Variants in HS3ST4 observed in about 807,000 individuals in gnomAD.
The protein encoded by HS3ST4 is heparan sulfate glucosamine 3-O-sulfotransferase 4.
Under a neutral mutation model 29.2 loss-of-function variants are expected in HS3ST4, and 17 were observed. That is an observed-to-expected ratio of 0.58 (90% confidence interval 0.40 to 0.87). HS3ST4 has a LOEUF of 0.87. HS3ST4 is among the 40% of genes least tolerant of loss of function. HS3ST4 has a pLI of 0.00. For missense variants in HS3ST4, 627 were observed against 634.5 expected (o/e 0.99, Z 0.13); for synonymous variants, 314 against 285.7 (o/e 1.10, Z -1.00).
intron 1 of HS3ST4, among the ~76,000 whole-genome samples, chr16:25,957,825 A>T (rs1308745124): frequency 2.0e-5 from 3 of 152,156 alleles, no homozygotes; most frequent in Non-Finnish European, 2.9e-5. Flanking sequence ...GCCTGCTCTG[A>T]ATTCTTGAGA....
chr16:26,043,441 T>A (rs373382889), intron 1 of HS3ST4, among the ~76,000 whole-genome samples: 1 of 152,176 alleles, frequency 6.6e-6, no homozygotes, highest in African/African-American at 2.4e-5. Context: ...TCTTCTTGGG[T>A]TGAAATCCCA....
chr16:25,909,889 G>A (rs1419845527), intron 1 of HS3ST4, among the ~76,000 whole-genome samples: 1 of 152,032 alleles, frequency 6.6e-6, no homozygotes, highest in African/African-American at 2.4e-5. Context: ...GTTTTTTAGA[G>A]GAGTCTTGCT....
chr16:25,835,908 G>A (rs1455205285), intron 1 of HS3ST4, among the ~76,000 whole-genome samples: 2 of 152,166 alleles, frequency 1.3e-5, no homozygotes, highest in Admixed American at 1.3e-4. Flanking sequence ...AAGCAGAAGA[G>A]AACTTAGTGG....
chr16:25,942,495 C>T lies in HS3ST4; in HGVS notation c.735-193117C>T, dbSNP rs1307975837. ...TCTCAAAGAGTACTGAAAAACAGCA[C>T]TTTCATCACCCCAGGCTGGCTTACT... is the stretch of plus-strand genomic sequence containing the variant. On this transcript the variant is annotated intron_variant, in intron 1 of 1. Coordinates refer to ENST00000331351, the MANE Select transcript of HS3ST4 (RefSeq NM_006040.3). Among the ~76,000 whole-genome samples the T allele has an allele frequency of 2.0e-5, 3 of 152,140 alleles. No homozygotes were observed. The East Asian group carries it at 5.8e-4, about 29-fold the overall frequency.
chr16:25,716,152 G>T lies in HS3ST4; in HGVS notation c.734+23001G>T, dbSNP rs142543217. On this transcript the variant is annotated intron_variant, in intron 1 of 1. Coordinates refer to ENST00000331351, the MANE Select transcript of HS3ST4 (RefSeq NM_006040.3). ...GCAACAAGATGAGTTGCTGTGGATG[G>T]TGCTTCTGCAGACTTCTTTTCCCAT... is the stretch of plus-strand genomic sequence containing the variant. Among the ~76,000 whole-genome samples, 92 of 152,356 alleles carry T rather than the reference G, an allele frequency of 6.0e-4. 1 individual carries two copies. The Middle Eastern group carries it at 0.02, about 34-fold the overall frequency.
At chr16:25,749,804 T>C (rs992673370) in intron 1 of HS3ST4, among the ~76,000 whole-genome samples, 4 of 152,324 alleles carry the variant, frequency 2.6e-5, no homozygotes, top group Admixed American at 6.5e-5. Context: ...TTTATTTTGA[T>C]GATTCTTCCA....
chr16:25,890,353 T>A (rs1967995455), intron 1 of HS3ST4, among the ~76,000 whole-genome samples: 1 of 152,218 alleles, frequency 6.6e-6, no homozygotes, highest in African/African-American at 2.4e-5. Context: ...TATCATCTCC[T>A]AGGGTAAGGA....
At position 25,787,034 on chromosome 16, in the gene HS3ST4, G is replaced by A. The variant is rs984459463; in HGVS notation, c.734+93883G>A. Among the ~76,000 whole-genome samples the A allele has an allele frequency of 3.9e-5, 6 of 152,304 alleles. No homozygotes were observed. In the East Asian group the frequency reaches 7.7e-4, roughly 20 times the overall value. ...AAAAGCAATTCAAATATTGCTGGTC[G>A]AGGTTGAAACTTCGAGGCTGTTAAA... On this transcript the variant is annotated intron_variant, in intron 1 of 1. Transcript: ENST00000331351.
At chr16:26,022,346 G>A (rs1004043978) in intron 1 of HS3ST4, among the ~76,000 whole-genome samples, 1 of 152,286 alleles carries the variant, frequency 6.6e-6, no homozygotes. Context: ...AATCTAAAAT[G>A]TTAGTGGTGG....
At chr16:25,816,373 G>A (rs1034066238) in intron 1 of HS3ST4, among the ~76,000 whole-genome samples, 1 of 152,138 alleles carries the variant, frequency 6.6e-6, no homozygotes, top group Non-Finnish European at 1.5e-5. Flanking sequence ...AGAGGCGATC[G>A]ATACCTTTGC....
chr16:25,752,436 G>A (rs1468322971), intron 1 of HS3ST4, among the ~76,000 whole-genome samples: 1 of 152,080 alleles, frequency 6.6e-6, no homozygotes, highest in African/African-American at 2.4e-5. Context: ...AATCACATTT[G>A]TCATAATGAG....
intron 1 of HS3ST4, among the ~76,000 whole-genome samples, chr16:25,712,072 A>G (rs919074764): frequency 1.3e-5 from 2 of 152,216 alleles, no homozygotes; most frequent in African/African-American, 2.4e-5. Context: ...ATCATTTAAC[A>G]CTTTTACGTT....
intron 1 of HS3ST4, among the ~76,000 whole-genome samples, chr16:25,733,371 C>CTGTGTG (rs1966585009): frequency 1.3e-5 from 2 of 152,142 alleles, no homozygotes; most frequent in South Asian, 4.2e-4. Context: ...GCTGGTAGGT[C>CTGTGTG]CCTGTGCACA....
chr16:26,038,688 A>ATGTG (rs904488857), intron 1 of HS3ST4, among the ~76,000 whole-genome samples: 2 of 150,724 alleles, frequency 1.3e-5, no homozygotes, highest in African/African-American at 2.5e-5. Context: ...GTATGTATGT[A>ATGTG]TTTATTTTTG....
chr16:26,136,375 C>G lies in HS3ST4; in HGVS notation c.*127C>G. 1 of 897,968 alleles carries G rather than the reference C, an allele frequency of 1.1e-6. No individual in the cohort carries two copies. The allele number at this position is 897,968 out of a possible 1,614,324, so 55.6% of individuals were successfully genotyped here. A position where few individuals can be genotyped will look rare whatever the true frequency, so the allele number is the denominator to read the frequency against. ...GTAGATCTCCTCCTCCTTCATGCAG[C>G]CAGGATTGCCTCCAGTGCTGTTAGC... On this transcript the variant is annotated 3_prime_UTR_variant, in exon 2 of 2. Transcript: ENST00000331351.
chr16:25,699,526 A>T (rs1966320899), intron 1 of HS3ST4, among the ~76,000 whole-genome samples: 1 of 152,222 alleles, frequency 6.6e-6, no homozygotes. Flanking sequence ...TCGTATTAAG[A>T]TCTTAGAGTT....
chr16:25,983,142 G>T (rs553345646), intron 1 of HS3ST4, among the ~76,000 whole-genome samples: 1 of 152,122 alleles, frequency 6.6e-6, no homozygotes, highest in Non-Finnish European at 1.5e-5. Flanking sequence ...AGAGTGATGG[G>T]GTAGGGAATG....
chr16:26,123,045 C>G (rs1004116442), intron 1 of HS3ST4, among the ~76,000 whole-genome samples: 1 of 146,782 alleles, frequency 6.8e-6, no homozygotes, highest in African/African-American at 2.7e-5. Flanking sequence ...TAGAGTGAGA[C>G]TCTGTCTCAA....
In HS3ST4 at chr16:25,859,946, C is replaced by CT. The variant is rs540299032; in HGVS notation, c.734+166797dup. Among the ~76,000 whole-genome samples the CT allele has an allele frequency of 6.6e-4, 100 of 152,304 alleles. 1 individual carries two copies. The highest frequency in any genetic ancestry group is 2.2e-3 in the African/African-American group (90 of 41,564). ...AGATAAGGGAGATTTACCACCTGAG[C>CT]TTCACCTCCTGTCAGATCAGCAGCG... On this transcript the variant is annotated intron_variant, in intron 1 of 1. Coordinates refer to ENST00000331351, the MANE Select transcript of HS3ST4 (RefSeq NM_006040.3).
Sources: allele counts gnomAD v4.1 joint callset (sites outside exome capture counted in the v4.1 genomes callset), GRCh38; gene constraint gnomAD v4.1.1; transcripts MANE v1.5; gene names NCBI Gene and HGNC (gene_info 2026-07-23, HGNC 2026-07-21).